CNKSR3: variants seen among roughly 807,000 people sequenced by gnomAD.
The protein encoded by CNKSR3 is CNKSR family member 3.
CNKSR3 carries 36 observed loss-of-function variants against 67.7 expected under a neutral mutation model. The observed-to-expected ratio is 0.53, with a 90% CI of 0.41 to 0.70. CNKSR3 has a LOEUF of 0.70. CNKSR3 is among the 30% of genes least tolerant of loss of function. CNKSR3 has a pLI of 0.00. For synonymous variants in CNKSR3, 281 were observed against 271.4 expected (o/e 1.04, Z -0.35); for missense variants, 630 against 695.2 (o/e 0.91, Z 1.05).
In CNKSR3 at chr6:154,402,636, G is replaced by A. The variant is rs997963853; in HGVS notation, c.*3718C>T. 2 of 152,198 alleles carry A rather than the reference G, an allele frequency of 1.3e-5. No homozygotes were observed. Among genetic ancestry groups the A allele is most frequent in the Non-Finnish European group, 2.9e-5 (2 of 68,048 alleles). 9.4% of individuals were successfully genotyped at this position (152,198 alleles called of 1,614,324 possible). On this transcript the variant is annotated 3_prime_UTR_variant, in exon 13 of 13. Transcript: ENST00000607772. ...CAGTACTCACCTCATAGATTTATTA[G>A]AAAGGTATTAGAACAATGCCAGGCA...
At chr6:154,504,304 G>A (rs1787054465) in intron 1 of CNKSR3, among the ~76,000 whole-genome samples, 2 of 152,272 alleles carry the variant, frequency 1.3e-5, no homozygotes, top group African/African-American at 2.4e-5. Flanking sequence ...GCTGGTAAAC[G>A]GCAGAGAAAT....
At chr6:154,477,179 C>T (rs1786469274) in intron 1 of CNKSR3, among the ~76,000 whole-genome samples, 1 of 151,980 alleles carries the variant, frequency 6.6e-6, no homozygotes, top group Non-Finnish European at 1.5e-5. Context: ...AAGACAATTC[C>T]TTCAGATTTT....
chr6:154,444,704 C>T (rs897918678), intron 2 of CNKSR3, among the ~76,000 whole-genome samples: 1 of 150,236 alleles, frequency 6.7e-6, no homozygotes, highest in Admixed American at 6.7e-5. Context: ...CTCCCTGGTT[C>T]AAGCAATTCT....
intron 1 of CNKSR3, among the ~76,000 whole-genome samples, chr6:154,498,411 C>T (rs1458330353): frequency 6.6e-6 from 1 of 151,486 alleles, no homozygotes; most frequent in Non-Finnish European, 1.5e-5. Context: ...CATAGAAACC[C>T]AGATTTACAG....
rs117282237 is a variant in CNKSR3, at chr6:154,406,997, T to C, written c.1370-345A>G. ...AATCACAATCCCCTACACAGTGCTC[T>C]TTGGAGGGCCCTCGGCCTGCCCAGA... On this transcript the variant is annotated intron_variant, in intron 12 of 12. Coordinates refer to ENST00000607772, the MANE Select transcript of CNKSR3 (RefSeq NM_173515.4). Among the ~76,000 whole-genome samples, 254 of 150,716 alleles carry C rather than the reference T, an allele frequency of 1.7e-3. 7 individuals carry two copies. The East Asian group carries it at 0.042, about 25-fold the overall frequency.
intron 1 of CNKSR3, among the ~76,000 whole-genome samples, chr6:154,459,698 A>G (rs1786038646): frequency 6.6e-6 from 1 of 152,262 alleles, no homozygotes; most frequent in Non-Finnish European, 1.5e-5. Context: ...AGACATCGGA[A>G]GACGTAACCA....
intron 2 of CNKSR3, among the ~76,000 whole-genome samples, chr6:154,443,480 C>T (rs530171578): frequency 4.9e-4 from 75 of 151,572 alleles, no homozygotes; most frequent in Admixed American, 1.1e-3. Context: ...CACTCTCTAG[C>T]CCATCACCCA....
In CNKSR3 at chr6:154,397,314, T is replaced by C. The variant is rs1784671369; in HGVS notation, c.*9040A>G. The C allele has an allele frequency of 6.6e-6, 1 of 152,258 alleles. No homozygotes were observed. The highest frequency in any genetic ancestry group is 2.1e-4 in the South Asian group (1 of 4,836). 9.4% of individuals were successfully genotyped at this position (152,258 alleles called of 1,614,324 possible). On this transcript the variant is annotated 3_prime_UTR_variant, in exon 13 of 13. Coordinates refer to ENST00000607772, the MANE Select transcript of CNKSR3 (RefSeq NM_173515.4). ...GTACTCTAAACACGGTTAGCTTACA[T>C]GTTCTTCCATTTATTTAAGTGCCTT...
chr6:154,481,787 A>C (rs1240013089), intron 1 of CNKSR3, among the ~76,000 whole-genome samples: 2 of 152,186 alleles, frequency 1.3e-5, no homozygotes, highest in Non-Finnish European at 2.9e-5. Flanking sequence ...TCTTTTTCTA[A>C]ATAACGTGAG....
At chr6:154,487,503 C>T (rs1214196162) in intron 1 of CNKSR3, among the ~76,000 whole-genome samples, 1 of 152,170 alleles carries the variant, frequency 6.6e-6, no homozygotes, top group Non-Finnish European at 1.5e-5. Flanking sequence ...TTGGGCAGCT[C>T]CTGAACAGCC....
At chr6:154,409,085 A>C (rs1419761568) in intron 12 of CNKSR3, among the ~76,000 whole-genome samples, 1 of 152,168 alleles carries the variant, frequency 6.6e-6, no homozygotes. Flanking sequence ...GGGGATCCTG[A>C]ATGGTAGGTA....
At chr6:154,493,069 A>T (rs891423378) in intron 1 of CNKSR3, among the ~76,000 whole-genome samples, 1 of 152,100 alleles carries the variant, frequency 6.6e-6, no homozygotes, top group Non-Finnish European at 1.5e-5. Flanking sequence ...GCCCCCCAAT[A>T]GCTCCCCAAA....
chr6:154,410,342 C>T lies in CNKSR3; in HGVS notation c.1369+1G>A, dbSNP rs1263778215. On this transcript the variant is annotated splice_donor_variant, in intron 12 of 12. Transcript: ENST00000607772. LOFTEE classifies it high-confidence loss of function. ...CCTTGGTTTGCTTGGATGAAACGTA[C>T]CTTTCCTGCCATGACCTCGAGGTCT... 1 of 1,612,300 alleles carries T rather than the reference C, an allele frequency of 6.2e-7. No individual in the cohort carries two copies. The highest frequency in any genetic ancestry group is 1.7e-5 in the Admixed American group (1 of 60,002).
chr6:154,490,056 C>CT (rs752268478), intron 1 of CNKSR3, among the ~76,000 whole-genome samples: 3 of 152,004 alleles, frequency 2.0e-5, no homozygotes, highest in Non-Finnish European at 4.4e-5. Context: ...ACTCCCATCT[C>CT]TTTTTTTTAG....
At chr6:154,475,475 C>T (rs1786426589) in intron 1 of CNKSR3, among the ~76,000 whole-genome samples, 1 of 152,186 alleles carries the variant, frequency 6.6e-6, no homozygotes, top group African/African-American at 2.4e-5. Flanking sequence ...CCCTTGCTGT[C>T]CTCCCTACCC....
intron 4 of CNKSR3, among the ~76,000 whole-genome samples, chr6:154,436,528 GT>G (rs1785475717): frequency 6.6e-6 from 1 of 151,528 alleles, no homozygotes; most frequent in African/African-American, 2.4e-5. Context: ...TCTTTTTTTT[GT>G]TGTTGTTAAG....
rs530240710 is a variant in CNKSR3 at position 154,398,007 on chromosome 6, A to C, written c.*8347T>G. The C allele has an allele frequency of 6.6e-6, 1 of 152,402 alleles. No homozygotes were observed. Among genetic ancestry groups the C allele is most frequent in the South Asian group, 2.1e-4 (1 of 4,830 alleles). The allele number at this position is 152,402 out of a possible 1,614,324, so 9.4% of individuals were successfully genotyped here. On this transcript the variant is annotated 3_prime_UTR_variant, in exon 13 of 13. Transcript: ENST00000607772. The stretch of plus-strand genomic sequence containing the variant: ...CTCTGTCCTCAGGGCATTGCAACCC[A>C]TTAGGCTGAATCATATGAACTGCAG...
At chr6:154,418,591 G>A (rs887340906) in intron 9 of CNKSR3, among the ~76,000 whole-genome samples, 10 of 152,126 alleles carry the variant, frequency 6.6e-5, no homozygotes, top group Non-Finnish European at 1.5e-4. Context: ...GGCAGAGCAA[G>A]CATTTGACAG....
At chr6:154,432,236 A>G (rs1184349668) in intron 5 of CNKSR3, among the ~76,000 whole-genome samples, 1 of 152,130 alleles carries the variant, frequency 6.6e-6, no homozygotes, top group Non-Finnish European at 1.5e-5. Context: ...TGTTGTTTTA[A>G]TTTACAATTC....
Sources: gnomAD v4.1 joint callset for allele counts (sites outside exome capture counted in the v4.1 genomes callset) on GRCh38, gnomAD v4.1.1 for gene constraint, MANE v1.5 for transcripts, NCBI Gene and HGNC (gene_info 2026-07-23, HGNC 2026-07-21) for gene names.